The following DNAH14 variants were observed in gnomAD, a reference collection of about 807,000 sequenced individuals.
The protein encoded by DNAH14 is dynein axonemal heavy chain 14.
In DNAH14, 478 loss-of-function variants were observed where a neutral mutation model predicts 520.9. The observed-to-expected ratio is 0.92, with a 90% CI of 0.85 to 0.99. DNAH14 has a LOEUF of 0.99. Ranked by LOEUF, DNAH14 falls within the 50% of genes least tolerant of loss-of-function variation. DNAH14 has a pLI of 0.00. For missense variants in DNAH14, 4,831 were observed against 5,234.5 expected (o/e 0.92, Z 2.38); for synonymous variants, 1,581 against 1,757.2 (o/e 0.90, Z 2.51).
chr1:225,345,794 CA>C (rs1165613728), intron 69 of DNAH14, among the ~76,000 whole-genome samples, 167 bp from the exon 70 acceptor site: 2 of 152,042 alleles, frequency 1.3e-5, no homozygotes, highest in African/African-American at 2.4e-5. Context: ...ATTTATTAAT[CA>C]AATTCTTATT....
chr1:225,097,395 A>G (rs2075082812), intron 22 of DNAH14, among the ~76,000 whole-genome samples, 156 bp downstream of exon 22: 1 of 152,180 alleles, frequency 6.6e-6, no homozygotes, highest in Non-Finnish European at 1.5e-5. Context: ...TTTTTCTTTC[A>G]TAAAAGATTA....
At chr1:224,972,078 T>G (rs2125632316) in intron 7 of DNAH14, among the ~76,000 whole-genome samples, 1 of 152,298 alleles carries the variant, frequency 6.6e-6, no homozygotes, top group Admixed American at 6.5e-5. Context: ...CTGCTGTAAA[T>G]AATTATCATT....
At chr1:225,064,619 G>A (rs1414293518) in intron 17 of DNAH14, among the ~76,000 whole-genome samples, 1 of 151,726 alleles carries the variant, frequency 6.6e-6, no homozygotes, top group Non-Finnish European at 1.5e-5. Flanking sequence ...CAACAACTTG[G>A]ATGAATATCA....
At chr1:224,931,736 T>G (rs1471233460) in intron 1 of DNAH14, among the ~76,000 whole-genome samples, 1 of 152,186 alleles carries the variant, frequency 6.6e-6, no homozygotes, top group Non-Finnish European at 1.5e-5. Context: ...TTATTTCACT[T>G]AAGATAATAA....
At chr1:225,213,326 T>C (rs980606566) in intron 41 of DNAH14, among the ~76,000 whole-genome samples, 9 of 152,340 alleles carry the variant, frequency 5.9e-5, no homozygotes, top group Admixed American at 2.6e-4. Context: ...GTAGTACAGT[T>C]TGAAGTCAGA....
intron 52 of DNAH14, among the ~76,000 whole-genome samples, chr1:225,274,197 ATTTTT>A (rs869247051): frequency 2.2e-5 from 2 of 92,884 alleles, no homozygotes; most frequent in African/African-American, 8.0e-5. Context: ...AGCATCTGTT[ATTTTT>A]TTTTTTTTTT....
At position 225,213,611 on chromosome 1, in the gene DNAH14, G is replaced by A. The variant is rs530358384; in HGVS notation, c.6439+6391G>A. On this transcript the variant is annotated intron_variant, in intron 41 of 85. Coordinates refer to ENST00000682510, the MANE Select transcript of DNAH14 (RefSeq NM_001367479.1). ...GCAGTGGTTTCTAATTCTCCTTGAA[G>A]AGGTCCTTCACATCCCTTGTAAGTT... 2.0e-5 allele frequency among the ~76,000 whole-genome samples: 3 copies of A among 152,264 alleles called. No individual in the cohort carries two copies. The East Asian group carries it at 5.8e-4, about 29-fold the overall frequency.
intron 10 of DNAH14, among the ~76,000 whole-genome samples, chr1:225,013,885 C>T (rs1014449000): frequency 6.6e-6 from 1 of 152,186 alleles, no homozygotes; most frequent in African/African-American, 2.4e-5. Context: ...TCTTAGCTTG[C>T]TGGGCTCCTT....
chr1:225,024,117 T>G (rs2065918037), intron 11 of DNAH14: 3 of 1,041,592 alleles, frequency 2.9e-6, no homozygotes, highest in Non-Finnish European at 2.3e-6. Flanking sequence ...CTTCAAGTAT[T>G]ACCTATGTTA....
At position 224,967,561 on chromosome 1, in the gene DNAH14, T is replaced by G; in HGVS notation, c.629T>G (p.Ile210Ser). 6.2e-7 allele frequency: 1 copy of G among 1,603,572 alleles called. No homozygotes were observed. Among genetic ancestry groups the G allele is most frequent in the South Asian group, 1.1e-5 (1 of 88,364 alleles). Reference sequence around the variant, plus strand: ...AAACATTGCAAAGAATTTTGGGTTATTACTGCTTCATTTATCTCAAAGGTA... The same window carrying G: ...AAACATTGCAAAGAATTTTGGGTTAGTACTGCTTCATTTATCTCAAAGGTA... ...TAKHCKEFWV[I>S]TASFISKVIN... The change falls in exon 6 of 86, where the codon ATT becomes AGT. Residue 210 changes from isoleucine to serine, a missense_variant. Ile to Ser is a moderately radical substitution (Grantham distance 142, BLOSUM62 -2). Coordinates refer to ENST00000682510, the MANE Select transcript of DNAH14 (RefSeq NM_001367479.1).
intron 8 of DNAH14, among the ~76,000 whole-genome samples, chr1:224,988,581 C>T (rs111958723): frequency 0.055 from 8,389 of 152,256 alleles, 472 homozygotes; most frequent in East Asian, 0.24. Context: ...AGCTCTAGAA[C>T]CAGAAATACC....
chr1:224,968,359 T>C lies in DNAH14; in HGVS notation c.652-400T>C, dbSNP rs1319046202. Among the ~76,000 whole-genome samples, 5 of 151,944 alleles carry C rather than the reference T, an allele frequency of 3.3e-5. No individual in the cohort carries two copies. In the East Asian group the frequency reaches 9.6e-4, roughly 29 times the overall value. On this transcript the variant is annotated intron_variant, in intron 6 of 85. Transcript: ENST00000682510. ...AGGGCATGTAGTTTTTGAATGTCAA[T>C]ATAGGGTATGTGGGTGGTGAGATTA...
intron 41 of DNAH14, among the ~76,000 whole-genome samples, chr1:225,225,539 C>T (rs183088180): frequency 1.8e-4 from 27 of 152,090 alleles, no homozygotes; most frequent in African/African-American, 6.0e-4. Flanking sequence ...CATAGTAGAA[C>T]GTGTCCATTC....
At chr1:225,168,225 C>T (rs1411648244) in intron 36 of DNAH14, among the ~76,000 whole-genome samples, 197 bp downstream of exon 36, 1 of 152,184 alleles carries the variant, frequency 6.6e-6, no homozygotes, top group East Asian at 1.9e-4. Flanking sequence ...CAGTCTACAG[C>T]TCCCAGCGTG....
chr1:225,356,386 G>C (rs1448797617), intron 73 of DNAH14, among the ~76,000 whole-genome samples: 1 of 152,132 alleles, frequency 6.6e-6, no homozygotes, highest in African/African-American at 2.4e-5. Context: ...CACTGAAGTT[G>C]AATGTTAGTT....
chr1:225,322,949 C>A, intron 62 of DNAH14, 126 bp downstream of exon 62: 1 of 1,032,358 alleles, frequency 9.7e-7, no homozygotes. Context: ...TAGCTCTATT[C>A]TTCCAGGCAA....
At chr1:225,322,285 C>T (rs1472314601) in intron 61 of DNAH14, among the ~76,000 whole-genome samples, 3 of 151,710 alleles carry the variant, frequency 2.0e-5, no homozygotes, top group East Asian at 1.9e-4. Flanking sequence ...GACCGGGTTT[C>T]GCCATGTTGG....
chr1:224,938,431 A>G (rs751432503), intron 1 of DNAH14, among the ~76,000 whole-genome samples: 4 of 149,194 alleles, frequency 2.7e-5, no homozygotes, highest in Non-Finnish European at 5.9e-5. Flanking sequence ...CAAAAGGCAT[A>G]TGAAAACGTG....
chr1:224,973,693 C>A (rs2061639975), intron 7 of DNAH14, among the ~76,000 whole-genome samples: 1 of 152,110 alleles, frequency 6.6e-6, no homozygotes, highest in African/African-American at 2.4e-5. Context: ...TTTTACTTAC[C>A]ACTATACAGA....
Sources: allele counts gnomAD v4.1 joint callset (sites outside exome capture counted in the v4.1 genomes callset), GRCh38; gene constraint gnomAD v4.1.1; transcripts MANE v1.5; gene names NCBI Gene and HGNC (gene_info 2026-07-23, HGNC 2026-07-21).